Variants in COL26A1 observed in about 807,000 individuals in gnomAD.
COL26A1 encodes collagen type XXVI alpha 1 chain, also known as collagen alpha-1(XXVI) chain.
Under a neutral mutation model 59.3 loss-of-function variants are expected in COL26A1, and 41 were observed. That is an observed-to-expected ratio of 0.69 (90% CI 0.54 to 0.90). The LOEUF (loss-of-function observed/expected upper bound fraction) is 0.90, where lower values mean the gene tolerates loss of function less well. Among genes scored for constraint, COL26A1 ranks in the 40% least tolerant of loss-of-function variants. The pLI is 0.00. For synonymous variants in COL26A1, 266 were observed against 256.0 expected (o/e 1.04, Z -0.37); for missense variants, 612 against 602.3 (o/e 1.02, Z -0.17).
intron 3 of COL26A1, among the ~76,000 whole-genome samples, chr7:101,451,326 T>G (rs1793332988): frequency 9.5e-6 from 1 of 105,060 alleles, no homozygotes; most frequent in African/African-American, 1.0e-4. Context: ...GTATTATAAT[T>G]TATATTATAT....
At chr7:101,462,490 T>C (rs2130430537) in intron 3 of COL26A1, among the ~76,000 whole-genome samples, 1 of 152,032 alleles carries the variant, frequency 6.6e-6, no homozygotes, top group African/African-American at 2.4e-5. Context: ...CTAATTTTTG[T>C]ATTTTTAGTA....
intron 8 of COL26A1, among the ~76,000 whole-genome samples, chr7:101,548,308 G>C (rs1795783946): frequency 6.6e-6 from 1 of 152,148 alleles, no homozygotes. Flanking sequence ...GGCCCGTGTG[G>C]GGTCATGAGA....
chr7:101,483,066 C>T (rs34682212), intron 3 of COL26A1, among the ~76,000 whole-genome samples: 80,106 of 151,976 alleles, frequency 0.53, 22,913 homozygotes, highest in African/African-American at 0.74. Context: ...CAACCTCTTA[C>T]AACTTAACTG....
intron 1 of COL26A1, among the ~76,000 whole-genome samples, chr7:101,413,526 A>AGAAAGAAAT (rs1554407257): frequency 2.0e-5 from 3 of 150,224 alleles, no homozygotes; most frequent in Admixed American, 6.7e-5. Flanking sequence ...TCTCAAGAAA[A>AGAAAGAAAT]GAAAGGAAAT....
intron 3 of COL26A1, among the ~76,000 whole-genome samples, chr7:101,471,549 T>TTTG (rs1192040668): frequency 8.5e-4 from 129 of 151,288 alleles, no homozygotes; most frequent in African/African-American, 1.4e-3. Context: ...AGAATAATGT[T>TTTG]TTGTTGTTGT....
intron 1 of COL26A1, among the ~76,000 whole-genome samples, chr7:101,364,050 C>T (rs1790980508): frequency 6.6e-6 from 1 of 152,080 alleles, no homozygotes; most frequent in Non-Finnish European, 1.5e-5. Context: ...TTGGAGAGGG[C>T]GCAGGGTCAC....
At chr7:101,521,588 A>G (rs905276611) in intron 3 of COL26A1, among the ~76,000 whole-genome samples, 1 of 152,164 alleles carries the variant, frequency 6.6e-6, no homozygotes, top group African/African-American at 2.4e-5. Flanking sequence ...TTAGGAGAGC[A>G]AGAGGTGCAC....
chr7:101,446,994 G>A (rs1280995971), intron 2 of COL26A1, among the ~76,000 whole-genome samples: 1 of 152,056 alleles, frequency 6.6e-6, no homozygotes, highest in Non-Finnish European at 1.5e-5. Context: ...GTAGAGGCTC[G>A]GAAGTTGGGG....
chr7:101,443,872 C>CTT lies in COL26A1; in HGVS notation c.282-3797_282-3796dup, dbSNP rs11352431. On this transcript the variant is annotated intron_variant, in intron 2 of 12. Coordinates refer to ENST00000313669, the MANE Select transcript of COL26A1 (RefSeq NM_001278563.3). ...AGTTTTTTCTTTTCCTTTTTCTTTT[C>CTT]TTTTTTTTTTTTTTTTCAGAGACAG... Among the ~76,000 whole-genome samples the CTT allele has an allele frequency of 3.4e-3, 424 of 124,760 alleles. 5 individuals carry two copies. The highest frequency in any genetic ancestry group is 4.7e-3 in the Non-Finnish European group (280 of 59,758). The allele number at this position is 124,760 out of a possible 152,430, so 81.8% of individuals were successfully genotyped here.
intron 1 of COL26A1, among the ~76,000 whole-genome samples, chr7:101,401,707 A>AGGC (rs1792007993): frequency 6.7e-6 from 1 of 148,590 alleles, no homozygotes; most frequent in Admixed American, 6.7e-5. Context: ...GAAGAGTAGG[A>AGGC]GGTAGAGGAA....
At chr7:101,367,037 A>G (rs1176887182) in intron 1 of COL26A1, among the ~76,000 whole-genome samples, 3 of 152,154 alleles carry the variant, frequency 2.0e-5, no homozygotes, top group Admixed American at 2.0e-4. Context: ...ATGTCCACGT[A>G]CTAGTTTTGA....
intron 2 of COL26A1, among the ~76,000 whole-genome samples, chr7:101,440,503 A>C (rs917081137): frequency 1.3e-5 from 2 of 152,170 alleles, no homozygotes; most frequent in Admixed American, 6.5e-5. Flanking sequence ...ACAAATGTGG[A>C]ACCTGTCTTG....
intron 3 of COL26A1, among the ~76,000 whole-genome samples, chr7:101,513,939 T>C (rs1165236668): frequency 6.6e-6 from 1 of 151,946 alleles, no homozygotes; most frequent in African/African-American, 2.4e-5. Flanking sequence ...GGAAAACGGG[T>C]CAAGGGCATG....
rs1562796475 is a variant in COL26A1 at position 101,540,078 on chromosome 7, T to C, written c.604+29T>C. The C allele has an allele frequency of 2.5e-6, 4 of 1,592,396 alleles. No individual in the cohort carries two copies. In the African/African-American group the frequency reaches 5.4e-5, roughly 21 times the overall value. ...AGTGAGGGCTGCAGAGAGGACAGGC[T>C]GGGGCAGCCGAAGGGACCTTGGGCA... On this transcript the variant is annotated intron_variant, in intron 5 of 12. Transcript: ENST00000313669.
At chr7:101,446,964 T>G (rs984473184) in intron 2 of COL26A1, among the ~76,000 whole-genome samples, 2 of 151,856 alleles carry the variant, frequency 1.3e-5, no homozygotes, top group Non-Finnish European at 2.9e-5. Flanking sequence ...AGGATGGAGT[T>G]TTTAAAGACA....
chr7:101,452,504 G>A (rs998232606), intron 3 of COL26A1, among the ~76,000 whole-genome samples: 1 of 152,176 alleles, frequency 6.6e-6, no homozygotes, highest in Non-Finnish European at 1.5e-5. Context: ...GTGGCTTAAT[G>A]ATGTGGCTAT....
Position 101,398,093 on chromosome 7 carries a change from C to T in COL26A1, c.159-21884C>T, listed in dbSNP as rs139958913. Among the ~76,000 whole-genome samples the T allele has an allele frequency of 9.3e-3, 1,412 of 152,326 alleles. 15 individuals are homozygous for T. The highest frequency in any genetic ancestry group is 0.065 in the Middle Eastern group (19 of 294). ...TGTGACTTCTTTTGCTCTGCATCAT[C>T]TCTGTGTGATTCATTTAGATTGTTG... is the stretch of plus-strand genomic sequence containing the variant. On this transcript the variant is annotated intron_variant, in intron 1 of 12. Coordinates refer to ENST00000313669, the MANE Select transcript of COL26A1 (RefSeq NM_001278563.3).
At chr7:101,364,473 A>C (rs1003588627) in intron 1 of COL26A1, among the ~76,000 whole-genome samples, 1 of 151,948 alleles carries the variant, frequency 6.6e-6, no homozygotes, top group South Asian at 2.1e-4. Context: ...CCCTAGGGTT[A>C]AAACATTAGA....
rs1379775186 is a variant in COL26A1, at chr7:101,363,160, G to T, written c.128G>T (p.Gly43Val). 16 of 1,446,730 alleles carry T rather than the reference G, an allele frequency of 1.1e-5. No individual in the cohort carries two copies. The South Asian group carries it at 2.0e-4, about 18-fold the overall frequency. The allele number at this position is 1,446,730 out of a possible 1,614,324, so 89.6% of individuals were successfully genotyped here. A position where few individuals can be genotyped will look rare whatever the true frequency, so the allele number is the denominator to read the frequency against. ...QQHGYPEPGA[G>V]SPGSGYASRR... ...CACGGCTACCCCGAGCCCGGCGCCG[G>T]CTCCCCTGGCAGCGGCTACGCGAGC... is the stretch of plus-strand genomic sequence containing the variant. The change falls in exon 1 of 13, where the codon GGC (glycine) becomes GTC (valine). Residue 43 changes from glycine (G) to valine (V), a missense_variant. Physicochemically the swap from Gly to Val is moderately radical, Grantham distance 109 (BLOSUM62 -3). Transcript: ENST00000313669.
Sources: gnomAD v4.1 joint callset for allele counts (sites outside exome capture counted in the v4.1 genomes callset) on GRCh38, gnomAD v4.1.1 for gene constraint, MANE v1.5 for transcripts, NCBI Gene and HGNC (gene_info 2026-07-23, HGNC 2026-07-21) for gene names.